Variants in ALCAM observed in about 807,000 individuals in gnomAD.
The protein encoded by ALCAM is CD166 antigen.
Under a neutral mutation model 70.9 loss-of-function variants are expected in ALCAM, and 30 were observed. That is an observed-to-expected ratio of 0.42 (90% CI 0.32 to 0.57). The LOEUF is 0.57. ALCAM is among the 20% of genes least tolerant of loss of function. The probability of loss-of-function intolerance (pLI) is 0.11; values close to 1 mark genes in which losing one functional copy is unlikely to be tolerated. For missense variants in ALCAM, 591 were observed against 695.1 expected (o/e 0.85, Z 1.68); for synonymous variants, 249 against 242.5 (o/e 1.03, Z -0.25).
chr3:105,472,185 T>C (rs1322220742), intron 1 of ALCAM, among the ~76,000 whole-genome samples: 2 of 151,418 alleles, frequency 1.3e-5, no homozygotes, highest in East Asian at 1.9e-4. Context: ...TTTTTTTGTT[T>C]GTTTCTTTGT....
At chr3:105,490,194 G>A (rs1299605038) in intron 1 of ALCAM, among the ~76,000 whole-genome samples, 1 of 152,162 alleles carries the variant, frequency 6.6e-6, no homozygotes, top group Non-Finnish European at 1.5e-5. Context: ...TTGAGGCATT[G>A]CAGACAAGTT....
chr3:105,435,365 A>G (rs1937027578), intron 1 of ALCAM, among the ~76,000 whole-genome samples: 1 of 152,212 alleles, frequency 6.6e-6, no homozygotes, highest in Non-Finnish European at 1.5e-5. Flanking sequence ...AAATCCGAGT[A>G]CTTTCCTGAG....
rs5851458 is a variant in ALCAM, at chr3:105,458,082, G to GAAA, written c.74-61975_74-61973dup. ...TTCCTACTGTACACACACTTCAGGG[G>GAAA]AAAAAAAAAAAACCAGCTTTATAGT... On this transcript the variant is annotated intron_variant, in intron 1 of 15. Coordinates refer to ENST00000306107, the MANE Select transcript of ALCAM (RefSeq NM_001627.4). Among the ~76,000 whole-genome samples the GAAA allele has an allele frequency of 2.0e-3, 291 of 146,932 alleles. 3 individuals carry two copies. Among genetic ancestry groups the GAAA allele is most frequent in the East Asian group, 3.5e-3 (18 of 5,072 alleles).
intron 1 of ALCAM, among the ~76,000 whole-genome samples, chr3:105,398,054 G>A (rs867615227): frequency 6.6e-6 from 1 of 152,048 alleles, no homozygotes; most frequent in Non-Finnish European, 1.5e-5. Context: ...TCAATCACCT[G>A]GAGAGTTTGT....
intron 1 of ALCAM, among the ~76,000 whole-genome samples, chr3:105,408,774 T>C (rs536905949): frequency 6.6e-6 from 1 of 151,998 alleles, no homozygotes; most frequent in East Asian, 1.9e-4. Context: ...ACCCACTGAG[T>C]AGGAGAAACT....
intron 1 of ALCAM, among the ~76,000 whole-genome samples, chr3:105,377,859 G>T (rs1305152477): frequency 6.6e-6 from 1 of 151,974 alleles, no homozygotes; most frequent in East Asian, 1.9e-4. Context: ...TCAACACAAA[G>T]AAATGGTTTC....
chr3:105,477,557 GC>G (rs1312431373), intron 1 of ALCAM, among the ~76,000 whole-genome samples: 1 of 151,968 alleles, frequency 6.6e-6, no homozygotes, highest in East Asian at 1.9e-4. Context: ...GTTTGACTAT[GC>G]TGTGCCTAAG....
chr3:105,559,006 A>G (rs1004253045), intron 14 of ALCAM, among the ~76,000 whole-genome samples: 2 of 152,036 alleles, frequency 1.3e-5, no homozygotes, highest in African/African-American at 4.8e-5. Context: ...CTTGCAGCTT[A>G]GACTAGAGGG....
chr3:105,478,373 T>C (rs1398292738), intron 1 of ALCAM, among the ~76,000 whole-genome samples: 1 of 152,128 alleles, frequency 6.6e-6, no homozygotes. Flanking sequence ...ATTTACAGAA[T>C]TTTATGCATT....
At chr3:105,419,405 G>T (rs939254025) in intron 1 of ALCAM, among the ~76,000 whole-genome samples, 2 of 151,692 alleles carry the variant, frequency 1.3e-5, no homozygotes, top group Non-Finnish European at 2.9e-5. Flanking sequence ...TGAAAACAAA[G>T]AACAAAAGTC....
Position 105,540,038 on chromosome 3 carries a change from A to T in ALCAM, c.794A>T (p.Asn265Ile). 6.2e-7 allele frequency: 1 copy of T among 1,612,680 alleles called. No homozygotes were observed. The highest frequency in any genetic ancestry group is 1.7e-5 in the Admixed American group (1 of 59,918). ...PPKNAIKEGD[N>I]ITLKCLGNGN... Reference sequence around the variant, plus strand: ...AAAAATGCCATCAAAGAAGGGGATAACATCACTCTTAAATGCTTAGGGAAT... The same window carrying T: ...AAAAATGCCATCAAAGAAGGGGATATCATCACTCTTAAATGCTTAGGGAAT... The change falls in exon 7 of 16, where the codon AAC becomes ATC. Residue 265 changes from asparagine to isoleucine, a missense_variant. Physicochemically the swap from Asn to Ile is moderately radical, Grantham distance 149. Transcript: ENST00000306107.
chr3:105,574,401 T>A (rs1940919266), intron 15 of ALCAM, 76 bp from the exon 16 acceptor site: 1 of 152,194 alleles, frequency 6.6e-6, no homozygotes, highest in Non-Finnish European at 1.5e-5. Flanking sequence ...TAAATTACTT[T>A]TAGTACAAAG....
intron 1 of ALCAM, among the ~76,000 whole-genome samples, chr3:105,446,610 T>TACACAC (rs59828133): frequency 9.6e-4 from 138 of 144,122 alleles, no homozygotes; most frequent in Middle Eastern, 3.5e-3. Flanking sequence ...AAATTTGGTG[T>TACACAC]ACACACACAC....
chr3:105,477,743 C>G (rs1420529385), intron 1 of ALCAM, among the ~76,000 whole-genome samples: 3 of 152,074 alleles, frequency 2.0e-5, no homozygotes, highest in Non-Finnish European at 4.4e-5. Flanking sequence ...TATCAATGCT[C>G]AGCTTCCTGA....
intron 1 of ALCAM, among the ~76,000 whole-genome samples, chr3:105,439,996 T>C (rs958856397): frequency 6.6e-6 from 1 of 152,238 alleles, no homozygotes; most frequent in African/African-American, 2.4e-5. Context: ...TAGTAAATGT[T>C]ATAAATGAAT....
intron 14 of ALCAM, among the ~76,000 whole-genome samples, chr3:105,562,295 A>G (rs1940644198): frequency 6.6e-6 from 1 of 152,246 alleles, no homozygotes. Flanking sequence ...ACTACAAAGT[A>G]TCCTTTATCA....
intron 1 of ALCAM, among the ~76,000 whole-genome samples, chr3:105,442,965 G>T (rs1192869461): frequency 6.6e-6 from 1 of 152,082 alleles, no homozygotes; most frequent in African/African-American, 2.4e-5. Context: ...GAGTAGCTTG[G>T]ACTACAGGTC....
At chr3:105,545,071 C>A in intron 8 of ALCAM, 152 bp from the exon 9 acceptor site, 1 of 624,096 alleles carries the variant, frequency 1.6e-6, no homozygotes, top group Non-Finnish European at 3.0e-6. Flanking sequence ...GCTAATCATG[C>A]TATAGTCCAA....
chr3:105,394,330 T>C (rs532798463), intron 1 of ALCAM, among the ~76,000 whole-genome samples: 172 of 152,092 alleles, frequency 1.1e-3, no homozygotes, highest in African/African-American at 4.1e-3. Context: ...GGAAGGGACA[T>C]GCGAGGGATG....
Sources: allele counts gnomAD v4.1 joint callset (sites outside exome capture counted in the v4.1 genomes callset), GRCh38; gene constraint gnomAD v4.1.1; transcripts MANE v1.5; gene names NCBI Gene and HGNC (gene_info 2026-07-23, HGNC 2026-07-21).